Variants in IAH1 observed in about 807,000 individuals in gnomAD.
IAH1 encodes the protein isoamyl acetate hydrolyzing esterase 1 (putative), also known as isoamyl acetate-hydrolyzing esterase 1 homolog.
In IAH1, 24 loss-of-function variants were observed where a neutral mutation model predicts 26.7. The ratio of observed to expected loss-of-function variants is 0.90; its 90% CI spans 0.65 to 1.26. The LOEUF is 1.26. Ranked by LOEUF, IAH1 falls within the 50% of genes most tolerant of loss-of-function variation. The pLI is 0.00. For missense variants in IAH1, 300 were observed against 299.9 expected, an observed-to-expected ratio of 1.00 and a Z score of 0.00; for synonymous variants, 140 against 118.5, an observed-to-expected ratio of 1.18 and a Z score of -1.18.
intron 2 of IAH1, 132 bp downstream of exon 2, chr2:9,476,171 ATAG>A: frequency 1.4e-6 from 1 of 699,638 alleles, no homozygotes; most frequent in Admixed American, 2.6e-5. Flanking sequence ...TAATCAGTAT[ATAG>A]GAGAAGGAAC....
At chr2:9,512,213 C>T in the IAH1 span, 4 of 151,916 alleles carry the variant, frequency 2.6e-5, no homozygotes, top group East Asian at 7.7e-4. Flanking sequence ...GAAATATCTC[C>T]TAACTGCTTG....
the IAH1 span, among the ~76,000 whole-genome samples, chr2:9,503,157 A>AG: frequency 2.0e-5 from 3 of 150,950 alleles, no homozygotes; most frequent in African/African-American, 4.9e-5. Flanking sequence ...AAAAAAGACA[A>AG]GGAAAAAAAA....
chr2:9,507,312 G>C, the IAH1 span, among the ~76,000 whole-genome samples: 2 of 152,062 alleles, frequency 1.3e-5, no homozygotes, highest in Non-Finnish European at 2.9e-5. Context: ...TGACCAACCT[G>C]GCCAACATGG....
the IAH1 span, chr2:9,510,158 A>G: frequency 1.2e-6 from 2 of 1,612,862 alleles, no homozygotes; most frequent in Non-Finnish European, 1.7e-6. Context: ...AGAAAACATT[A>G]TTTCTCAATA....
chr2:9,506,359 GTTTTTTTTTTTTTTTT>G, the IAH1 span, among the ~76,000 whole-genome samples: 1 of 73,208 alleles, frequency 1.4e-5, no homozygotes, highest in African/African-American at 5.7e-5. Flanking sequence ...CTTCAAATCT[GTTTTTTTTTTTTTTTT>G]TTTTTTTTTT....
chr2:9,499,043 T>C (rs1332247817), downstream of IAH1, among the ~76,000 whole-genome samples: 1 of 152,078 alleles, frequency 6.6e-6, no homozygotes, highest in East Asian at 1.9e-4. Flanking sequence ...AATTTCCATT[T>C]CTAATAAGCT....
the IAH1 span, chr2:9,505,557 A>T: frequency 1.7e-6 from 1 of 600,320 alleles, no homozygotes; most frequent in East Asian, 2.8e-5. Flanking sequence ...CCTCCATAGA[A>T]TGCTAAATGG....
At chr2:9,500,330 C>T (rs538953121), downstream of IAH1, among the ~76,000 whole-genome samples, 1 of 152,230 alleles carries the variant, frequency 6.6e-6, no homozygotes, top group African/African-American at 2.4e-5. Context: ...TGTATAATTC[C>T]ATTTATATGA....
At chr2:9,475,357 C>T (rs1411225447) in intron 1 of IAH1, 7 of 433,030 alleles carry the variant, frequency 1.6e-5, no homozygotes, top group Middle Eastern at 3.6e-4. Context: ...TCAGAGCTGC[C>T]GAATTCCATG....
chr2:9,505,571 A>T, the IAH1 span: 1 of 582,396 alleles, frequency 1.7e-6, no homozygotes, highest in Non-Finnish European at 3.0e-6. Flanking sequence ...TAAATGGCTG[A>T]TGTGAACTTG....
At chr2:9,503,345 T>A in the IAH1 span, among the ~76,000 whole-genome samples, 1 of 152,178 alleles carries the variant, frequency 6.6e-6, no homozygotes, top group Non-Finnish European at 1.5e-5. Flanking sequence ...TCTATCAGTG[T>A]ATATAAAAAA....
the IAH1 span, among the ~76,000 whole-genome samples, chr2:9,509,483 G>GAGATAGAGCTATGAATA: frequency 2.6e-5 from 4 of 152,128 alleles, no homozygotes; most frequent in Admixed American, 1.3e-4. Flanking sequence ...CTAGGCACTG[G>GAGATAGAGCTATGAATA]AGATAGAGCT....
At chr2:9,477,980 C>T in intron 2 of IAH1, among the ~76,000 whole-genome samples, 1 of 152,158 alleles carries the variant, frequency 6.6e-6, no homozygotes, top group East Asian at 1.9e-4. Flanking sequence ...TTCATCACAG[C>T]CCCTTTATAT....
chr2:9,493,720 A>T, downstream of IAH1: 3 of 1,593,366 alleles, frequency 1.9e-6, no homozygotes, highest in South Asian at 2.2e-5. Context: ...CTCAGCTCTC[A>T]GTAAGTAATC....
At chr2:9,483,779 C>T (rs1661319396) in intron 4 of IAH1, among the ~76,000 whole-genome samples, 1 of 152,166 alleles carries the variant, frequency 6.6e-6, no homozygotes, top group Non-Finnish European at 1.5e-5. Context: ...GTTAGATACA[C>T]TCAATCGTTC....
chr2:9,475,283 G>A, intron 1 of IAH1: 1 of 1,062,924 alleles, frequency 9.4e-7, no homozygotes, highest in Non-Finnish European at 1.3e-6. Flanking sequence ...GACAGGACTT[G>A]CTTCACCAGG....
downstream of IAH1, chr2:9,497,239 C>A: frequency 6.2e-7 from 1 of 1,614,072 alleles, no homozygotes; most frequent in South Asian, 1.1e-5. Flanking sequence ...CGGGCACTCA[C>A]TGCTATTACC....
chr2:9,490,189 TTCTTTGCTG>T (rs777944947), downstream of IAH1: 1 of 1,594,948 alleles, frequency 6.3e-7, no homozygotes, highest in Non-Finnish European at 8.6e-7. Context: ...AGCACTCTGT[TTCTTTGCTG>T]TCAACACGAT....
Position 9,484,453 on chromosome 2 carries a change from A to G in IAH1, c.467A>G (p.Asn156Ser). 1 of 1,614,068 alleles carries G rather than the reference A, an allele frequency of 6.2e-7. No homozygotes were observed. Among genetic ancestry groups the G allele is most frequent in the Non-Finnish European group, 8.5e-7 (1 of 1,179,964 alleles). ...ATAGGTTGCAAACTAAATCGCCTGAACTCTGTTGTTGGTGAATATGCCAAT... is the reference window on the plus strand; with the variant it reads ...ATAGGTTGCAAACTAAATCGCCTGAGCTCTGTTGTTGGTGAATATGCCAAT... ...IIQGCKLNRLNSVVGEYANAC... is the reference protein window; with the variant it reads ...IIQGCKLNRLSSVVGEYANAC... The change falls in exon 5 of 6, where the codon AAC becomes AGC. Residue 156 changes from asparagine to serine, a missense_variant. Coordinates refer to ENST00000497473, the MANE Select transcript of IAH1 (RefSeq NM_001039613.3).
Sources: gnomAD v4.1 joint callset for allele counts (sites outside exome capture counted in the v4.1 genomes callset) on GRCh38, gnomAD v4.1.1 for gene constraint, MANE v1.5 for transcripts, NCBI Gene and HGNC (gene_info 2026-07-23, HGNC 2026-07-21) for gene names.